The following LINC00305 variants were observed in gnomAD, a reference collection of about 807,000 sequenced individuals.
The protein encoded by LINC00305 is long independently transcribed non-coding RNA 305.
intron 3 of LINC00305, among the ~76,000 whole-genome samples, chr18:64,082,967 C>A (rs1345991744): frequency 1.3e-5 from 2 of 151,930 alleles, no homozygotes; most frequent in Admixed American, 6.6e-5. Flanking sequence ...CTAATTCATG[C>A]TTGATTTGAT....
chr18:64,133,241 A>G (rs2144270202), intron 1 of LINC00305, among the ~76,000 whole-genome samples: 1 of 152,318 alleles, frequency 6.6e-6, no homozygotes, highest in South Asian at 2.1e-4. Flanking sequence ...AATGTAAGGA[A>G]CAGAGAAGAG....
At position 64,125,302 on chromosome 18, in the gene LINC00305, C is replaced by T. The variant is rs900573696; in HGVS notation, n.314+23473G>A. 2.6e-5 allele frequency among the ~76,000 whole-genome samples: 4 copies of T among 152,156 alleles called. No homozygotes were observed. The South Asian group carries it at 6.2e-4, about 24-fold the overall frequency. On this transcript the variant is annotated intron_variant and non_coding_transcript_variant, in intron 1 of 3. Coordinates refer to ENST00000666468, the Ensembl canonical transcript of LINC00305. ...CAGTGATTCCCTGGGCATCTGCTAC[C>T]ACTCATACCCCAGTGCTCCCAGTAT...
intron 1 of LINC00305, among the ~76,000 whole-genome samples, chr18:64,110,935 C>T (rs972771039): frequency 3.9e-5 from 6 of 152,086 alleles, no homozygotes; most frequent in African/African-American, 1.2e-4. Context: ...AGCACTTCTC[C>T]GTTTCCAATG....
chr18:64,144,010 T>C (rs1009160803), intron 1 of LINC00305, among the ~76,000 whole-genome samples: 2 of 152,180 alleles, frequency 1.3e-5, no homozygotes, highest in East Asian at 3.8e-4. Flanking sequence ...ATTTCTCCTC[T>C]TTGTGAATTA....
intron 1 of LINC00305, among the ~76,000 whole-genome samples, chr18:64,108,522 C>T (rs1005497233): frequency 6.6e-6 from 1 of 152,164 alleles, no homozygotes; most frequent in Admixed American, 6.5e-5. Context: ...AGTCTATTCC[C>T]ATTCCTTGGT....
chr18:64,094,395 G>A (rs2051236868), intron 3 of LINC00305, among the ~76,000 whole-genome samples: 1 of 152,164 alleles, frequency 6.6e-6, no homozygotes, highest in African/African-American at 2.4e-5. Context: ...AGGGAGGGGT[G>A]AGGGTCGACT....
chr18:64,139,249 A>G (rs1355841458), intron 1 of LINC00305, among the ~76,000 whole-genome samples: 2 of 152,266 alleles, frequency 1.3e-5, no homozygotes, highest in Non-Finnish European at 2.9e-5. Flanking sequence ...AAACAAGGTT[A>G]TCTTTACTTT....
At chr18:64,129,350 T>C (rs1170449321) in intron 1 of LINC00305, among the ~76,000 whole-genome samples, 2 of 152,146 alleles carry the variant, frequency 1.3e-5, no homozygotes, top group East Asian at 1.9e-4. Context: ...TATGATTTAA[T>C]GTTAGAAGTT....
At chr18:64,087,562 T>C (rs1056026704) in intron 3 of LINC00305, among the ~76,000 whole-genome samples, 3 of 152,190 alleles carry the variant, frequency 2.0e-5, no homozygotes, top group African/African-American at 7.2e-5. Context: ...CTTATAGTGA[T>C]ATAACATTTT....
chr18:64,142,788 G>T (rs1364629839), intron 1 of LINC00305, among the ~76,000 whole-genome samples: 1 of 152,120 alleles, frequency 6.6e-6, no homozygotes, highest in Admixed American at 6.6e-5. Context: ...CCATGTAGTA[G>T]AGAGTAGTTG....
At chr18:64,095,191 G>A (rs999199035) in intron 3 of LINC00305, among the ~76,000 whole-genome samples, 32 of 152,144 alleles carry the variant, frequency 2.1e-4, no homozygotes, top group African/African-American at 7.7e-4. Context: ...CAAGCAGATG[G>A]ATAGTGAGGA....
intron 1 of LINC00305, among the ~76,000 whole-genome samples, chr18:64,102,351 A>C (rs1342824476): frequency 6.6e-6 from 1 of 152,174 alleles, no homozygotes; most frequent in African/African-American, 2.4e-5. Flanking sequence ...ACCTTTCCCT[A>C]GAGTTTCATA....
intron 1 of LINC00305, among the ~76,000 whole-genome samples, chr18:64,099,910 C>A (rs1036707392): frequency 1.3e-5 from 2 of 152,142 alleles, no homozygotes; most frequent in Admixed American, 1.3e-4. Flanking sequence ...CTTTTCGGAA[C>A]ACAAATAAGT....
intron 3 of LINC00305, chr18:64,097,763 A>G (rs1188849391): frequency 7.2e-6 from 3 of 415,320 alleles, no homozygotes; most frequent in Non-Finnish European, 1.4e-5. Flanking sequence ...ATACTAATAA[A>G]AAAGTAGCCA....
At chr18:64,119,745 GT>G (rs1371459476) in intron 1 of LINC00305, among the ~76,000 whole-genome samples, 2 of 152,128 alleles carry the variant, frequency 1.3e-5, no homozygotes, top group South Asian at 4.2e-4. Flanking sequence ...GGTGAGATGG[GT>G]TTTCTTGAAA....
chr18:64,127,040 T>A (rs1262973294), intron 1 of LINC00305, among the ~76,000 whole-genome samples: 2 of 152,122 alleles, frequency 1.3e-5, no homozygotes, highest in African/African-American at 4.8e-5. Context: ...TAACTACATA[T>A]ATCCCAGTTA....
chr18:64,122,864 T>C (rs186557999), intron 1 of LINC00305, among the ~76,000 whole-genome samples: 242 of 152,218 alleles, frequency 1.6e-3, no homozygotes, highest in African/African-American at 5.6e-3. Context: ...CTATGATTTC[T>C]TTCATCAGCA....
chr18:64,100,045 A>T (rs2051261992), intron 1 of LINC00305, among the ~76,000 whole-genome samples: 1 of 152,224 alleles, frequency 6.6e-6, no homozygotes, highest in African/African-American at 2.4e-5. Flanking sequence ...CTACTTCGAC[A>T]TAGCACATAT....
intron 1 of LINC00305, among the ~76,000 whole-genome samples, chr18:64,143,260 T>C (rs2051472915): frequency 6.6e-6 from 1 of 152,156 alleles, no homozygotes; most frequent in African/African-American, 2.4e-5. Context: ...TTGCCAAATC[T>C]GGATGGATTG....
Sources: gnomAD v4.1 joint callset for allele counts (sites outside exome capture counted in the v4.1 genomes callset) on GRCh38, gnomAD v4.1.1 for gene constraint, MANE v1.5 for transcripts, NCBI Gene and HGNC (gene_info 2026-07-23, HGNC 2026-07-21) for gene names.